The following ANKRD31 variants were observed in gnomAD, a reference collection of about 807,000 sequenced individuals.
ANKRD31 encodes ankyrin repeat domain-containing protein 31.
In ANKRD31, 147 loss-of-function variants were observed where a neutral mutation model predicts 186.0. That is an observed-to-expected ratio of 0.79 (90% confidence interval 0.69 to 0.91). The LOEUF is 0.91. ANKRD31 is among the 40% of genes least tolerant of loss of function. ANKRD31 has a pLI of 0.00. For synonymous variants in ANKRD31, 673 were observed against 736.4 expected (o/e 0.91, Z 1.39); for missense variants, 1,986 against 2,148.8 (o/e 0.92, Z 1.50).
At chr5:75,223,457 C>T (rs960471962) in intron 2 of ANKRD31, among the ~76,000 whole-genome samples, 2 of 151,932 alleles carry the variant, frequency 1.3e-5, no homozygotes, top group African/African-American at 2.4e-5. Flanking sequence ...AATACTAGTA[C>T]ATAGTCCAAA....
At chr5:75,138,825 T>G (rs1404111161) in intron 16 of ANKRD31, 21 bp downstream of exon 16, 1 of 1,531,640 alleles carries the variant, frequency 6.5e-7, no homozygotes, top group African/African-American at 1.4e-5. Context: ...ATAAAGGTAA[T>G]TAAATTAAAA....
intron 2 of ANKRD31, among the ~76,000 whole-genome samples, chr5:75,223,637 G>A (rs558158923): frequency 1.2e-4 from 19 of 152,228 alleles, no homozygotes; most frequent in African/African-American, 4.6e-4. Context: ...ATCAAAAGAT[G>A]GGAATGGATT....
intron 11 of ANKRD31, among the ~76,000 whole-genome samples, chr5:75,156,761 C>A (rs149586207): frequency 3.8e-3 from 579 of 152,280 alleles, no homozygotes; most frequent in African/African-American, 0.013. Flanking sequence ...GGAAGGCTGG[C>A]AGCCACTGGA....
chr5:75,212,420 C>T (rs1756709408), intron 3 of ANKRD31, among the ~76,000 whole-genome samples: 1 of 152,006 alleles, frequency 6.6e-6, no homozygotes. Flanking sequence ...GGAGACCAGC[C>T]TAGGAAACAT....
At chr5:75,116,334 C>T (rs572561862) in intron 19 of ANKRD31, among the ~76,000 whole-genome samples, 4 of 151,666 alleles carry the variant, frequency 2.6e-5, no homozygotes, top group Non-Finnish European at 5.9e-5. Flanking sequence ...GGGTGCAGCG[C>T]ACCAGCATAG....
intron 10 of ANKRD31, among the ~76,000 whole-genome samples, chr5:75,182,719 TAAAA>T (rs74813977): frequency 8.0e-6 from 1 of 124,834 alleles, no homozygotes; most frequent in Non-Finnish European, 1.7e-5. Flanking sequence ...GAGTCCAACT[TAAAA>T]AAAAAAAAAA....
chr5:75,190,626 TA>T (rs1335932689), intron 9 of ANKRD31, among the ~76,000 whole-genome samples: 5 of 151,646 alleles, frequency 3.3e-5, no homozygotes, highest in East Asian at 1.9e-4. Flanking sequence ...TGTGTGTGTG[TA>T]TTTTTTTTTC....
chr5:75,162,650 C>A (rs1184602371), intron 11 of ANKRD31, among the ~76,000 whole-genome samples: 2 of 152,100 alleles, frequency 1.3e-5, no homozygotes, highest in Non-Finnish European at 2.9e-5. Context: ...ATGTCCCCAG[C>A]CAAATCTCCT....
intron 12 of ANKRD31, among the ~76,000 whole-genome samples, chr5:75,152,966 G>A (rs375532521): frequency 2.0e-5 from 3 of 151,894 alleles, no homozygotes; most frequent in East Asian, 3.9e-4. Context: ...GCCAGACTCA[G>A]TGACTCACTT....
chr5:75,233,733 T>A (rs1347529063), intron 1 of ANKRD31, among the ~76,000 whole-genome samples: 1 of 152,020 alleles, frequency 6.6e-6, no homozygotes, highest in Non-Finnish European at 1.5e-5. Flanking sequence ...CTGGCCATCA[T>A]GGTGAAACCC....
chr5:75,213,395 C>T (rs1756770326), intron 3 of ANKRD31, among the ~76,000 whole-genome samples: 1 of 152,136 alleles, frequency 6.6e-6, no homozygotes, highest in Admixed American at 6.6e-5. Flanking sequence ...CCCATGTTGG[C>T]CTCCAAAAGT....
chr5:75,145,946 T>G, intron 14 of ANKRD31, 41 bp downstream of exon 14: 1 of 1,344,060 alleles, frequency 7.4e-7, no homozygotes, highest in Non-Finnish European at 9.7e-7. Flanking sequence ...AATAAGTAAA[T>G]CTATAGGAAA....
chr5:75,150,267 T>C (rs1251278245), intron 12 of ANKRD31, among the ~76,000 whole-genome samples: 1 of 151,890 alleles, frequency 6.6e-6, no homozygotes, highest in African/African-American at 2.4e-5. Context: ...TACATCAAAG[T>C]AGATATATTT....
intron 5 of ANKRD31, among the ~76,000 whole-genome samples, chr5:75,203,678 G>C (rs76170214): frequency 7.8e-6 from 1 of 128,046 alleles, no homozygotes; most frequent in Non-Finnish European, 1.7e-5. Flanking sequence ...AAAAAAAAAA[G>C]AAAAGAAAAG....
rs1751444887 is a variant in ANKRD31 at position 75,146,436 on chromosome 5, C to T, written c.2975G>A (p.Cys992Tyr). 5 of 1,536,364 alleles carry T rather than the reference C, an allele frequency of 3.3e-6. No individual in the cohort carries two copies. Among genetic ancestry groups the T allele is most frequent in the Non-Finnish European group, 4.4e-6 (5 of 1,146,422 alleles). ...ISEHVANYEQ[C>Y]IFGPSFDHSN... ...GTGATCAAAAGAAGGTCCAAATATG[C>T]ATTGTTCATAATTTGCAACATGTTC... The change falls in exon 14 of 26, where the codon TGC becomes TAC. Residue 992 changes from cysteine (C) to tyrosine (Y), a missense_variant. Transcript: ENST00000506364.
intron 12 of ANKRD31, among the ~76,000 whole-genome samples, chr5:75,153,168 T>G (rs146446133): frequency 6.6e-6 from 1 of 152,024 alleles, no homozygotes; most frequent in Non-Finnish European, 1.5e-5. Context: ...CAACCAGCAA[T>G]GATCTGAGTT....
chr5:75,184,419 CT>C (rs1184778743), intron 10 of ANKRD31, among the ~76,000 whole-genome samples: 1 of 152,124 alleles, frequency 6.6e-6, no homozygotes, highest in African/African-American at 2.4e-5. Context: ...TAAAAACCTT[CT>C]GCACAGCACA....
chr5:75,185,408 A>G (rs1003566569), intron 10 of ANKRD31, among the ~76,000 whole-genome samples: 2 of 152,172 alleles, frequency 1.3e-5, no homozygotes, highest in African/African-American at 4.8e-5. Context: ...AAGTACAAAA[A>G]TTAGTTGGGC....
intron 6 of ANKRD31, among the ~76,000 whole-genome samples, chr5:75,196,733 T>C (rs548783194): frequency 7.9e-5 from 12 of 152,286 alleles, no homozygotes; most frequent in Admixed American, 3.9e-4. Flanking sequence ...GGTACAGTTA[T>C]GTATAAATAT....
Sources: gnomAD v4.1 joint callset for allele counts (sites outside exome capture counted in the v4.1 genomes callset) on GRCh38, gnomAD v4.1.1 for gene constraint, MANE v1.5 for transcripts, NCBI Gene and HGNC (gene_info 2026-07-23, HGNC 2026-07-21) for gene names.